Variants in PIP5K1A observed in about 807,000 individuals in gnomAD.
PIP5K1A encodes the protein phosphatidylinositol-4-phosphate 5-kinase type 1 alpha, also known as phosphatidylinositol 4-phosphate 5-kinase type-1 alpha.
Under a neutral mutation model 72.9 loss-of-function variants are expected in PIP5K1A, and 46 were observed. The ratio of observed to expected loss-of-function variants is 0.63; its 90% CI spans 0.50 to 0.81. PIP5K1A has a LOEUF of 0.81. Among genes scored for constraint, PIP5K1A ranks in the 30% least tolerant of loss-of-function variants. The pLI is 0.00. For missense variants in PIP5K1A, 458 were observed against 706.1 expected (o/e 0.65, Z 3.98); for synonymous variants, 228 against 255.1 (o/e 0.89, Z 1.01).
intron 8 of PIP5K1A, among the ~76,000 whole-genome samples, chr1:151,236,332 C>G (rs1690854242): frequency 6.7e-6 from 1 of 150,214 alleles, no homozygotes; most frequent in African/African-American, 2.5e-5. Flanking sequence ...AAAAATTAGG[C>G]AGGTGTAGTG....
At chr1:151,232,784 C>T in intron 7 of PIP5K1A, 81 bp downstream of exon 7, 1 of 1,229,736 alleles carries the variant, frequency 8.1e-7, no homozygotes, top group Non-Finnish European at 1.2e-6. Context: ...CAGGGTAAAA[C>T]AGTGTCAGCA....
At chr1:151,216,911 T>G (rs1463205380) in intron 1 of PIP5K1A, among the ~76,000 whole-genome samples, 2 of 15,710 alleles carry the variant, frequency 1.3e-4, no homozygotes, top group East Asian at 3.0e-3. Flanking sequence ...TTTTTTTTTT[T>G]TTTTTTTTTT....
intron 3 of PIP5K1A, among the ~76,000 whole-genome samples, chr1:151,226,713 C>CAAAA (rs112650908): frequency 8.0e-6 from 1 of 124,802 alleles, no homozygotes; most frequent in Non-Finnish European, 1.6e-5. Flanking sequence ...AACTCTGTCT[C>CAAAA]AAAAAAAAAA....
At chr1:151,241,874 C>T (rs114439572) in intron 12 of PIP5K1A, among the ~76,000 whole-genome samples, 2,909 of 151,876 alleles carry the variant, frequency 0.019, 44 homozygotes, top group Non-Finnish European at 0.027. Flanking sequence ...CATCAAGGCT[C>T]CATGTTGGGG....
At chr1:151,214,778 G>A (rs181978605) in intron 1 of PIP5K1A, among the ~76,000 whole-genome samples, 11 of 152,244 alleles carry the variant, frequency 7.2e-5, no homozygotes, top group African/African-American at 2.2e-4. Context: ...GCGCAATGGT[G>A]TGATCTTGGC....
intron 1 of PIP5K1A, 114 bp downstream of exon 1, chr1:151,199,195 G>T: frequency 6.4e-7 from 1 of 1,567,038 alleles, no homozygotes. Flanking sequence ...CCGGTAAGTG[G>T]GCGCGAGCTG....
chr1:151,200,056 G>A (rs1175308065), intron 1 of PIP5K1A, among the ~76,000 whole-genome samples: 4 of 152,050 alleles, frequency 2.6e-5, no homozygotes, highest in South Asian at 4.1e-4. Context: ...TTTGAAGAGA[G>A]TCTAAGGAAT....
At chr1:151,236,365 A>G (rs1477154485) in intron 8 of PIP5K1A, among the ~76,000 whole-genome samples, 193 bp from the exon 9 acceptor site, 1 of 152,014 alleles carries the variant, frequency 6.6e-6, no homozygotes. Context: ...AGTCCCAGCT[A>G]CTTGGGAGGC....
Position 151,248,687 on chromosome 1 carries a change from C to T in PIP5K1A, c.*822C>T, listed in dbSNP as rs2101807965. On this transcript the variant is annotated 3_prime_UTR_variant, in exon 16 of 16. Coordinates refer to ENST00000368888, the MANE Select transcript of PIP5K1A (RefSeq NM_001135638.2). ...ATGGGCTGGGAGATCATAGCCCTTC[C>T]TAGGCAGAATCCTGTTCACTGCCAG... 6.5e-6 allele frequency: 1 copy of T among 152,726 alleles called. No homozygotes were observed. Among genetic ancestry groups the T allele is most frequent in the South Asian group, 2.1e-4 (1 of 4,830 alleles). The allele number at this position is 152,726 out of a possible 1,614,324, so 9.5% of individuals were successfully genotyped here.
At chr1:151,201,116 G>A (rs1345489782) in intron 1 of PIP5K1A, among the ~76,000 whole-genome samples, 1 of 152,174 alleles carries the variant, frequency 6.6e-6, no homozygotes, top group African/African-American at 2.4e-5. Context: ...TTATAGGCGT[G>A]AGCCACCGTG....
chr1:151,229,176 A>AAAC (rs1689629984), intron 4 of PIP5K1A, among the ~76,000 whole-genome samples: 1 of 144,564 alleles, frequency 6.9e-6, no homozygotes, highest in Non-Finnish European at 1.5e-5. Flanking sequence ...TCAAAAAAAA[A>AAAC]AAAAAAAAAA....
chr1:151,204,431 C>G (rs901364771), intron 1 of PIP5K1A, among the ~76,000 whole-genome samples: 3 of 152,214 alleles, frequency 2.0e-5, no homozygotes, highest in African/African-American at 7.2e-5. Flanking sequence ...CCCACTTCAG[C>G]CTCCCAAAGT....
intron 8 of PIP5K1A, among the ~76,000 whole-genome samples, chr1:151,235,618 C>T (rs1056660069): frequency 6.6e-6 from 1 of 152,190 alleles, no homozygotes; most frequent in Non-Finnish European, 1.5e-5. Flanking sequence ...CAAGGTCCTA[C>T]CACAGATCTG....
At position 151,202,335 on chromosome 1, in the gene PIP5K1A, T is replaced by G. The variant is rs587648000; in HGVS notation, c.85+3254T>G. 2.0e-5 allele frequency among the ~76,000 whole-genome samples: 3 copies of G among 152,354 alleles called. No individual in the cohort carries two copies. The South Asian group carries it at 6.2e-4, about 32-fold the overall frequency. On this transcript the variant is annotated intron_variant, in intron 1 of 15. Transcript: ENST00000368888. Reference sequence around the variant, plus strand: ...GTTTTAGGGTGGTTGACACGCACACTTCTTGAATTTCTACAGGGCCAGCCT... The same window carrying G: ...GTTTTAGGGTGGTTGACACGCACACGTCTTGAATTTCTACAGGGCCAGCCT...
At chr1:151,236,829 T>TA (rs1690951839) in intron 9 of PIP5K1A, 66 bp downstream of exon 9, 7 of 1,073,214 alleles carry the variant, frequency 6.5e-6, no homozygotes, top group Non-Finnish European at 7.9e-6. Flanking sequence ...TTCTTTTTTT[T>TA]TTTTTTTTTT....
chr1:151,209,246 T>A (rs1410518801), intron 1 of PIP5K1A, among the ~76,000 whole-genome samples: 4 of 151,976 alleles, frequency 2.6e-5, no homozygotes, highest in Non-Finnish European at 1.5e-5. Context: ...TTTGTTTTTG[T>A]TCTATTATAT....
upstream of PIP5K1A, among the ~76,000 whole-genome samples, chr1:151,196,193 G>T (rs1684551424): frequency 6.6e-6 from 1 of 152,030 alleles, no homozygotes; most frequent in Admixed American, 6.6e-5. Flanking sequence ...CACCGCGTCC[G>T]GCTACACTAT....
chr1:151,209,047 G>C (rs1490424301), intron 1 of PIP5K1A, among the ~76,000 whole-genome samples: 1 of 120,706 alleles, frequency 8.3e-6, no homozygotes, highest in African/African-American at 3.0e-5. Context: ...TTTTTTTTTT[G>C]AACACACTTC....
intron 1 of PIP5K1A, among the ~76,000 whole-genome samples, chr1:151,216,656 C>T (rs962111383): frequency 3.3e-5 from 5 of 152,030 alleles, no homozygotes; most frequent in African/African-American, 7.2e-5. Context: ...CTCATTTCCC[C>T]GACCCTTCCT....
Sources: gnomAD v4.1 joint callset for allele counts (sites outside exome capture counted in the v4.1 genomes callset) on GRCh38, gnomAD v4.1.1 for gene constraint, MANE v1.5 for transcripts, NCBI Gene and HGNC (gene_info 2026-07-23, HGNC 2026-07-21) for gene names.